Variants in KCNJ6 observed in about 807,000 individuals in gnomAD.
KCNJ6 encodes potassium inwardly rectifying channel subfamily J member 6, also known as G protein-activated inward rectifier potassium channel 2.
KCNJ6 carries 9 observed loss-of-function variants against 34.2 expected under a neutral mutation model. The observed-to-expected ratio is 0.26, with a 90% confidence interval of 0.16 to 0.46. The LOEUF is 0.46. Ranked by LOEUF, KCNJ6 falls within the 20% of genes least tolerant of loss-of-function variation. The probability of loss-of-function intolerance (pLI) is 1.00; values close to 1 mark genes in which losing one functional copy is unlikely to be tolerated. For missense variants in KCNJ6, 236 were observed against 531.3 expected (o/e 0.44, Z 5.46); for synonymous variants, 196 against 207.1 (o/e 0.95, Z 0.46).
At chr21:37,697,920 C>G (rs551014925) in intron 3 of KCNJ6, among the ~76,000 whole-genome samples, 1 of 152,082 alleles carries the variant, frequency 6.6e-6, no homozygotes, top group Admixed American at 6.5e-5. Context: ...GAGTTTGGGA[C>G]CTTTAACGTT....
chr21:37,762,196 C>T (rs2055068698), intron 2 of KCNJ6, among the ~76,000 whole-genome samples: 2 of 152,116 alleles, frequency 1.3e-5, no homozygotes, highest in South Asian at 4.1e-4. Context: ...AGGCCAGGCC[C>T]ATCTGAACCC....
intron 1 of KCNJ6, among the ~76,000 whole-genome samples, chr21:37,898,955 GA>G (rs1216204299): frequency 6.6e-6 from 1 of 152,116 alleles, no homozygotes; most frequent in Non-Finnish European, 1.5e-5. Flanking sequence ...TTTGAATACA[GA>G]AAAAAGTTTT....
chr21:37,873,627 T>A (rs2123615441), intron 1 of KCNJ6, among the ~76,000 whole-genome samples: 1 of 152,304 alleles, frequency 6.6e-6, no homozygotes, highest in East Asian at 1.9e-4. Context: ...AAAGCCTTTT[T>A]TAGAACCCAC....
chr21:37,717,462 C>T (rs2054799204), intron 2 of KCNJ6, among the ~76,000 whole-genome samples: 1 of 151,986 alleles, frequency 6.6e-6, no homozygotes, highest in East Asian at 2.0e-4. Context: ...CCATGTCCTT[C>T]TCACTGGAGG....
intron 2 of KCNJ6, among the ~76,000 whole-genome samples, chr21:37,829,002 C>T (rs996404098): frequency 2.0e-5 from 3 of 152,228 alleles, no homozygotes; most frequent in Non-Finnish European, 2.9e-5. Flanking sequence ...GCTGGCACCC[C>T]AAAATCCAGC....
intron 2 of KCNJ6, among the ~76,000 whole-genome samples, chr21:37,728,204 G>A (rs1046531306): frequency 5.3e-5 from 8 of 152,324 alleles, no homozygotes; most frequent in South Asian, 4.1e-4. Context: ...AGCCAGACAC[G>A]AAAGGACAAG....
intron 2 of KCNJ6, among the ~76,000 whole-genome samples, chr21:37,821,549 C>T (rs1019306445): frequency 1.3e-5 from 2 of 151,974 alleles, no homozygotes; most frequent in Non-Finnish European, 2.9e-5. Context: ...CTTTCCCCTG[C>T]CCCCCCAACA....
chr21:37,823,441 T>A (rs2055383745), intron 2 of KCNJ6, among the ~76,000 whole-genome samples: 1 of 152,146 alleles, frequency 6.6e-6, no homozygotes. Context: ...CCAAATCTCA[T>A]CTCAAATTAT....
chr21:37,847,702 A>T (rs1252668108), intron 1 of KCNJ6, among the ~76,000 whole-genome samples: 3 of 151,332 alleles, frequency 2.0e-5, no homozygotes, highest in Non-Finnish European at 4.4e-5. Context: ...TCTACAGGAC[A>T]TCGATAGAAA....
intron 1 of KCNJ6, among the ~76,000 whole-genome samples, chr21:37,893,918 C>T (rs1436698735): frequency 6.6e-6 from 1 of 152,154 alleles, no homozygotes. Context: ...CACAAACGAA[C>T]CCTGCTCAAT....
intron 3 of KCNJ6, among the ~76,000 whole-genome samples, chr21:37,649,211 A>G: frequency 6.7e-6 from 1 of 150,286 alleles, no homozygotes; most frequent in East Asian, 2.0e-4. Context: ...CCTCCTCCTC[A>G]CTTATCTTAC....
intron 2 of KCNJ6, among the ~76,000 whole-genome samples, chr21:37,802,229 G>A (rs528917622): frequency 6.6e-6 from 1 of 152,124 alleles, no homozygotes; most frequent in Non-Finnish European, 1.5e-5. Context: ...TTGCAGGGGG[G>A]AACACCCCAA....
Position 37,620,722 on chromosome 21 carries a change from C to G in KCNJ6, c.*4437G>C, listed in dbSNP as rs2054287526. 6.6e-6 allele frequency: 1 copy of G among 152,178 alleles called. No individual in the cohort carries two copies. The highest frequency in any genetic ancestry group is 1.5e-5 in the Non-Finnish European group (1 of 68,030). The allele number at this position is 152,178 out of a possible 1,614,324, so 9.4% of individuals were successfully genotyped here. A position where few individuals can be genotyped will look rare whatever the true frequency, so the allele number is the denominator to read the frequency against. ...AAATGTAAATTATAATACTCAACCT[C>G]TCATGGTGAATTAGAATGAAATAAG... On this transcript the variant is annotated 3_prime_UTR_variant, in exon 4 of 4. Transcript: ENST00000609713.
At chr21:37,849,071 C>T (rs2055524530) in intron 1 of KCNJ6, among the ~76,000 whole-genome samples, 1 of 152,150 alleles carries the variant, frequency 6.6e-6, no homozygotes, top group Non-Finnish European at 1.5e-5. Flanking sequence ...AAAGAAAATA[C>T]TATGCGAGAC....
chr21:37,644,410 G>T (rs1019170616), intron 3 of KCNJ6, among the ~76,000 whole-genome samples: 1 of 152,186 alleles, frequency 6.6e-6, no homozygotes, highest in Admixed American at 6.5e-5. Context: ...TTACTGATTT[G>T]TCAAAGCATA....
At chr21:37,775,428 G>A (rs376246178) in intron 2 of KCNJ6, among the ~76,000 whole-genome samples, 4,061 of 152,270 alleles carry the variant, frequency 0.027, 108 homozygotes, top group African/African-American at 0.069. Context: ...CCTTGCCCAT[G>A]CCTATGTCCT....
Position 37,611,214 on chromosome 21 carries a change from G to T in KCNJ6, c.*13945C>A, listed in dbSNP as rs1486437891. ...AAGATAATGAAGGAATTTTATGAAT[G>T]ACTTTATACCCACAAATTTGATAAT... On this transcript the variant is annotated 3_prime_UTR_variant, in exon 4 of 4. Coordinates refer to ENST00000609713, the MANE Select transcript of KCNJ6 (RefSeq NM_002240.5). 1 of 152,086 alleles carries T rather than the reference G, an allele frequency of 6.6e-6. No individual in the cohort carries two copies. Among genetic ancestry groups the T allele is most frequent in the Non-Finnish European group, 1.5e-5 (1 of 68,000 alleles). 9.4% of individuals were successfully genotyped at this position (152,086 alleles called of 1,614,324 possible). A position where few individuals can be genotyped will look rare whatever the true frequency, so the allele number is the denominator to read the frequency against.
At chr21:37,801,498 C>T (rs1429008694) in intron 2 of KCNJ6, among the ~76,000 whole-genome samples, 1 of 152,234 alleles carries the variant, frequency 6.6e-6, no homozygotes, top group Admixed American at 6.5e-5. Context: ...AGTCTCCCTC[C>T]ACTTCACCCT....
Position 37,617,639 on chromosome 21 carries a change from A to G in KCNJ6, c.*7520T>C, listed in dbSNP as rs1382788837. The G allele has an allele frequency of 2.0e-5, 3 of 152,230 alleles. No homozygotes were observed. The East Asian group carries it at 5.8e-4, about 29-fold the overall frequency. 9.4% of individuals were successfully genotyped at this position (152,230 alleles called of 1,614,324 possible). A position where few individuals can be genotyped will look rare whatever the true frequency, so the allele number is the denominator to read the frequency against. ...CAGACTATCTGGAGAGAGTTCTGCC[A>G]TTGGCCCGATGACTGAGTCTGTGCC... On this transcript the variant is annotated 3_prime_UTR_variant, in exon 4 of 4. Transcript: ENST00000609713.
Sources: allele counts gnomAD v4.1 joint callset (sites outside exome capture counted in the v4.1 genomes callset), GRCh38; gene constraint gnomAD v4.1.1; transcripts MANE v1.5; gene names NCBI Gene and HGNC (gene_info 2026-07-23, HGNC 2026-07-21).